The following NTM variants were observed in gnomAD, a reference collection of about 807,000 sequenced individuals.
NTM encodes the protein neurotrimin.
In NTM, 13 loss-of-function variants were observed where a neutral mutation model predicts 42.1. The ratio of observed to expected loss-of-function variants is 0.31; its 90% CI spans 0.20 to 0.49. The LOEUF (loss-of-function observed/expected upper bound fraction) is 0.49. Among genes scored for constraint, NTM ranks in the 20% least tolerant of loss-of-function variants. The probability of loss-of-function intolerance (pLI) is 0.99; values close to 1 mark genes in which losing one functional copy is unlikely to be tolerated. For synonymous variants in NTM, 187 were observed against 179.2 expected, an observed-to-expected ratio of 1.04 and a Z score of -0.35; for missense variants, 373 against 452.8, an observed-to-expected ratio of 0.82 and a Z score of 1.60.
chr11:131,545,459 A>T (rs2053804015), intron 1 of NTM, among the ~76,000 whole-genome samples: 1 of 152,054 alleles, frequency 6.6e-6, no homozygotes, highest in Admixed American at 6.6e-5. Context: ...TGGTTCATTA[A>T]ATGCATACAT....
At chr11:131,738,282 G>T (rs960134866) in intron 1 of NTM, among the ~76,000 whole-genome samples, 7 of 152,170 alleles carry the variant, frequency 4.6e-5, no homozygotes, top group African/African-American at 1.7e-4. Context: ...GGTGGCTCTG[G>T]GGTACCCCTC....
chr11:131,967,561 G>A (rs1289443150), intron 2 of NTM, among the ~76,000 whole-genome samples: 1 of 152,150 alleles, frequency 6.6e-6, no homozygotes, highest in Non-Finnish European at 1.5e-5. Context: ...ATGGGCCAGG[G>A]AGGAGCAAGG....
intron 1 of NTM, among the ~76,000 whole-genome samples, chr11:131,432,821 A>C (rs1457838834): frequency 7.3e-6 from 1 of 137,632 alleles, no homozygotes; most frequent in East Asian, 2.0e-4. Flanking sequence ...CTACTACAAA[A>C]GATGAAGATT....
At chr11:131,391,951 TGATGCAA>T (rs1392965392) in intron 1 of NTM, among the ~76,000 whole-genome samples, 3 of 152,184 alleles carry the variant, frequency 2.0e-5, no homozygotes, top group Admixed American at 6.5e-5. Flanking sequence ...ATAAATGTGT[TGATGCAA>T]TAGTTGAAGT....
At chr11:131,800,125 A>C (rs1239342065) in intron 1 of NTM, among the ~76,000 whole-genome samples, 7 of 152,218 alleles carry the variant, frequency 4.6e-5, no homozygotes, top group African/African-American at 1.7e-4. Flanking sequence ...TGCTGAAGGA[A>C]TTGAAGCTCT....
intron 1 of NTM, among the ~76,000 whole-genome samples, chr11:131,739,436 C>T (rs1216763781): frequency 6.6e-6 from 1 of 152,150 alleles, no homozygotes; most frequent in Non-Finnish European, 1.5e-5. Context: ...GGATAATGAG[C>T]TGCCATTATT....
At chr11:131,616,774 A>AGG in intron 1 of NTM, among the ~76,000 whole-genome samples, 1 of 145,624 alleles carries the variant, frequency 6.9e-6, no homozygotes, top group African/African-American at 2.6e-5. Context: ...CACTGTCTTG[A>AGG]GGGGGTGTGT....
chr11:131,621,825 G>GAAAA (rs34307645), intron 1 of NTM, among the ~76,000 whole-genome samples: 1 of 105,538 alleles, frequency 9.5e-6, no homozygotes. Flanking sequence ...TCAACTCAAA[G>GAAAA]AAAAAAAAAA....
intron 1 of NTM, among the ~76,000 whole-genome samples, chr11:131,646,364 T>A (rs1021212674): frequency 1.9e-4 from 29 of 152,174 alleles, no homozygotes; most frequent in African/African-American, 7.0e-4. Context: ...AAAAAGTGGA[T>A]CCTTTCTTCT....
At chr11:132,063,683 A>T (rs1052169930) in intron 2 of NTM, among the ~76,000 whole-genome samples, 2 of 152,168 alleles carry the variant, frequency 1.3e-5, no homozygotes, top group African/African-American at 4.8e-5. Flanking sequence ...ACTGAGGTGG[A>T]ATTGCTCTTT....
chr11:131,583,128 C>T (rs926455143), intron 1 of NTM, among the ~76,000 whole-genome samples: 4 of 152,186 alleles, frequency 2.6e-5, no homozygotes, highest in Non-Finnish European at 4.4e-5. Context: ...CAGGAAGCTG[C>T]CTCTGAGTCC....
intron 1 of NTM, among the ~76,000 whole-genome samples, chr11:131,551,522 G>T (rs141062176): frequency 0.02 from 3,095 of 152,064 alleles, 54 homozygotes; most frequent in Middle Eastern, 0.061. Context: ...AGGAAGCCTT[G>T]CAGCTGAAAA....
At chr11:131,597,379 G>A (rs540323643) in intron 1 of NTM, among the ~76,000 whole-genome samples, 14 of 151,632 alleles carry the variant, frequency 9.2e-5, no homozygotes, top group East Asian at 5.8e-4. Context: ...CTCCACTTGC[G>A]CTGCTTTCCC....
At chr11:131,669,844 T>G (rs2134614693) in intron 1 of NTM, among the ~76,000 whole-genome samples, 1 of 152,340 alleles carries the variant, frequency 6.6e-6, no homozygotes, top group East Asian at 1.9e-4. Context: ...TGTCTGTGAC[T>G]TCACGGCTTA....
At chr11:131,451,553 C>A (rs1338631999) in intron 1 of NTM, among the ~76,000 whole-genome samples, 1 of 152,092 alleles carries the variant, frequency 6.6e-6, no homozygotes, top group Non-Finnish European at 1.5e-5. Flanking sequence ...CCTTCCCAGG[C>A]CAGAGGACTC....
intron 3 of NTM, among the ~76,000 whole-genome samples, chr11:132,154,082 G>A (rs761571866): frequency 5.3e-5 from 8 of 152,126 alleles, no homozygotes; most frequent in Non-Finnish European, 7.3e-5. Context: ...GAGTGAGGAC[G>A]CTAATATGGT....
At chr11:131,837,791 G>T (rs1247810170) in intron 1 of NTM, among the ~76,000 whole-genome samples, 1 of 152,132 alleles carries the variant, frequency 6.6e-6, no homozygotes, top group Non-Finnish European at 1.5e-5. Context: ...AGCCACCCGG[G>T]TCCTCACCTG....
chr11:132,067,431 C>T (rs1352350790), intron 2 of NTM, among the ~76,000 whole-genome samples: 1 of 152,204 alleles, frequency 6.6e-6, no homozygotes, highest in Admixed American at 6.5e-5. Flanking sequence ...CCAAAAGTCC[C>T]AAACTCAGCA....
chr11:131,593,553 G>A (rs1468422002), intron 1 of NTM, among the ~76,000 whole-genome samples: 1 of 152,152 alleles, frequency 6.6e-6, no homozygotes, highest in East Asian at 1.9e-4. Context: ...TGTTCTAAGT[G>A]GATGACACGT....
Sources: allele counts gnomAD v4.1 joint callset (sites outside exome capture counted in the v4.1 genomes callset), GRCh38; gene constraint gnomAD v4.1.1; transcripts MANE v1.5; gene names NCBI Gene and HGNC (gene_info 2026-07-23, HGNC 2026-07-21).